Variants in SLC25A21 observed in about 807,000 individuals in gnomAD.
SLC25A21 encodes mitochondrial 2-oxodicarboxylate carrier.
Under a neutral mutation model 43.8 loss-of-function variants are expected in SLC25A21, and 47 were observed. The observed-to-expected ratio is 1.07, with a 90% CI of 0.85 to 1.37. The LOEUF (loss-of-function observed/expected upper bound fraction) is 1.37. Ranked by LOEUF, SLC25A21 falls within the 40% of genes most tolerant of loss-of-function variation. The probability of loss-of-function intolerance (pLI) is 0.00; values close to 1 mark genes in which losing one functional copy is unlikely to be tolerated. For missense variants in SLC25A21, 352 were observed against 350.2 expected (o/e 1.00, Z -0.04); for synonymous variants, 131 against 121.3 (o/e 1.08, Z -0.52).
Position 36,679,550 on chromosome 14 carries a change from G to A in SLC25A21, c.*1108C>T. The A allele has an allele frequency of 7.1e-6, 7 of 985,290 alleles. No individual in the cohort carries two copies. The highest frequency in any genetic ancestry group is 8.4e-6 in the Non-Finnish European group (7 of 829,848). The allele number at this position is 985,290 out of a possible 1,614,324, so 61.0% of individuals were successfully genotyped here. On this transcript the variant is annotated 3_prime_UTR_variant, in exon 10 of 10. Coordinates refer to ENST00000331299, the MANE Select transcript of SLC25A21 (RefSeq NM_030631.4). ...AGTTTGGTTACATCAAGACCAAGGA[G>A]ATATTTTTGTTGATACATGTTAGTA... is the stretch of plus-strand genomic sequence containing the variant.
At chr14:37,085,051 T>C (rs1021689003) in intron 1 of SLC25A21, among the ~76,000 whole-genome samples, 1 of 152,226 alleles carries the variant, frequency 6.6e-6, no homozygotes, top group Admixed American at 6.5e-5. Flanking sequence ...ATCATTCTTC[T>C]TCTTGCATGA....
intron 1 of SLC25A21, among the ~76,000 whole-genome samples, chr14:36,941,474 T>C (rs1277272652): frequency 6.6e-6 from 1 of 152,064 alleles, no homozygotes; most frequent in African/African-American, 2.4e-5. Context: ...TATATTTATA[T>C]AATTTTGATA....
chr14:36,838,547 A>G (rs1391524456), intron 2 of SLC25A21, among the ~76,000 whole-genome samples: 1 of 152,182 alleles, frequency 6.6e-6, no homozygotes, highest in Non-Finnish European at 1.5e-5. Flanking sequence ...AGCCTACTTG[A>G]GCTAATATGC....
chr14:37,137,064 A>G (rs1001680222), intron 1 of SLC25A21, among the ~76,000 whole-genome samples: 2 of 152,114 alleles, frequency 1.3e-5, no homozygotes, highest in East Asian at 1.9e-4. Flanking sequence ...GCAGTGGCGC[A>G]ATCTCGGCTC....
intron 3 of SLC25A21, among the ~76,000 whole-genome samples, chr14:36,775,275 C>T (rs1886781839): frequency 6.6e-6 from 1 of 152,180 alleles, no homozygotes; most frequent in Non-Finnish European, 1.5e-5. Flanking sequence ...AAACTCAGTC[C>T]TGTGTTTAAG....
At chr14:36,770,691 T>C (rs969837236) in intron 3 of SLC25A21, among the ~76,000 whole-genome samples, 1 of 152,164 alleles carries the variant, frequency 6.6e-6, no homozygotes, top group Non-Finnish European at 1.5e-5. Flanking sequence ...TAATCCCCTA[T>C]TACAACTGTT....
rs112088993 is a variant in SLC25A21 at position 37,160,817 on chromosome 14, C to T, written c.70+11464G>A. 6.4e-4 allele frequency among the ~76,000 whole-genome samples: 97 copies of T among 151,892 alleles called. 1 individual carries two copies. The highest frequency in any genetic ancestry group is 2.2e-3 in the African/African-American group (93 of 41,418). On this transcript the variant is annotated intron_variant, in intron 1 of 9. Transcript: ENST00000331299. ...TGGTAGCATGTGCCTGCAATCCCAG[C>T]TACTCAGGAGGCTGAGGCAGGAGAA...
chr14:36,771,767 AC>A (rs1322196014), intron 3 of SLC25A21, among the ~76,000 whole-genome samples: 1 of 149,242 alleles, frequency 6.7e-6, no homozygotes, highest in East Asian at 2.0e-4. Flanking sequence ...AAAAAAAAAA[AC>A]TACTGTCTCC....
intron 1 of SLC25A21, among the ~76,000 whole-genome samples, chr14:36,921,145 TCTC>T (rs1236389574): frequency 1.3e-5 from 2 of 152,108 alleles, no homozygotes; most frequent in African/African-American, 4.8e-5. Flanking sequence ...AGTGGTTTCT[TCTC>T]CTAACATAAA....
At chr14:36,887,651 G>C (rs893288038) in intron 1 of SLC25A21, among the ~76,000 whole-genome samples, 1 of 152,052 alleles carries the variant, frequency 6.6e-6, no homozygotes, top group East Asian at 1.9e-4. Context: ...GCTGAAGGAG[G>C]GGTTTAAGCT....
intron 5 of SLC25A21, among the ~76,000 whole-genome samples, chr14:36,727,448 G>A (rs577203807): frequency 3.9e-5 from 6 of 152,352 alleles, no homozygotes; most frequent in African/African-American, 1.4e-4. Flanking sequence ...AGCACTTTGG[G>A]AGGCCAAGTT....
intron 1 of SLC25A21, among the ~76,000 whole-genome samples, chr14:37,162,910 G>A (rs1047809671): frequency 4.1e-4 from 62 of 152,268 alleles, no homozygotes; most frequent in African/African-American, 1.4e-3. Context: ...AACAATGATA[G>A]ACTGGATTAA....
chr14:37,162,893 A>T (rs1963970150), intron 1 of SLC25A21, among the ~76,000 whole-genome samples: 1 of 152,178 alleles, frequency 6.6e-6, no homozygotes, highest in African/African-American at 2.4e-5. Context: ...AACCAACCCA[A>T]ATGTCCAACA....
rs1888356851 is a variant in SLC25A21 at position 36,813,814 on chromosome 14, T to C, written c.203+104A>G. On this transcript the variant is annotated intron_variant, in intron 3 of 9. Coordinates refer to ENST00000331299, the MANE Select transcript of SLC25A21 (RefSeq NM_030631.4). ...CATAACAAAGTAGAAAGGTACCCTT[T>C]TAAGTATTTTGCCCCTAGTAAGACT... 11 of 761,738 alleles carry C rather than the reference T, an allele frequency of 1.4e-5. No homozygotes were observed. The East Asian group carries it at 2.7e-4, about 19-fold the overall frequency. The allele number at this position is 761,738 out of a possible 1,614,324, so 47.2% of individuals were successfully genotyped here.
intron 2 of SLC25A21, among the ~76,000 whole-genome samples, chr14:36,864,870 A>G (rs899019874): frequency 2.0e-5 from 3 of 152,092 alleles, no homozygotes; most frequent in African/African-American, 7.2e-5. Flanking sequence ...GTTTTATACC[A>G]CGGGCAAATC....
chr14:36,762,318 A>AT (rs35218206), intron 3 of SLC25A21, among the ~76,000 whole-genome samples: 1 of 151,912 alleles, frequency 6.6e-6, no homozygotes, highest in Non-Finnish European at 1.5e-5. Context: ...TCCTGATTCT[A>AT]TTTTTTTGCA....
chr14:37,124,015 CT>C (rs779404360), intron 1 of SLC25A21, among the ~76,000 whole-genome samples: 141 of 146,050 alleles, frequency 9.7e-4, no homozygotes, highest in Non-Finnish European at 9.1e-4. Flanking sequence ...TTATCATTAT[CT>C]TTTTTTTTTT....
intron 1 of SLC25A21, among the ~76,000 whole-genome samples, chr14:37,047,706 G>A (rs1415130844): frequency 6.6e-6 from 1 of 152,168 alleles, no homozygotes; most frequent in Non-Finnish European, 1.5e-5. Context: ...GAGTCTTGGT[G>A]CATTTGACTT....
intron 1 of SLC25A21, among the ~76,000 whole-genome samples, chr14:36,945,122 G>C (rs1311510180): frequency 6.6e-6 from 1 of 152,114 alleles, no homozygotes; most frequent in Non-Finnish European, 1.5e-5. Context: ...GACTACCTGT[G>C]AGGATAAGAA....
Sources: allele counts gnomAD v4.1 joint callset (sites outside exome capture counted in the v4.1 genomes callset), GRCh38; gene constraint gnomAD v4.1.1; transcripts MANE v1.5; gene names NCBI Gene and HGNC (gene_info 2026-07-23, HGNC 2026-07-21).